Variants in BDP1 observed in about 807,000 individuals in gnomAD.
BDP1 encodes the protein transcription factor TFIIIB component B'' homolog.
BDP1 carries 169 observed loss-of-function variants against 266.6 expected under a neutral mutation model. The ratio of observed to expected loss-of-function variants is 0.63; its 90% CI spans 0.56 to 0.72. The LOEUF is 0.72. BDP1 is among the 30% of genes least tolerant of loss of function. The pLI is 0.00. For missense variants in BDP1, 3,015 were observed against 3,053.8 expected (o/e 0.99, Z 0.30); for synonymous variants, 1,090 against 1,022.4 (o/e 1.07, Z -1.26).
At chr5:71,551,622 G>T (rs979501325) in intron 34 of BDP1, among the ~76,000 whole-genome samples, 1 of 152,206 alleles carries the variant, frequency 6.6e-6, no homozygotes, top group African/African-American at 2.4e-5. Flanking sequence ...ATGAGCCGCT[G>T]GGCACACCTC....
Position 71,495,274 on chromosome 5 carries a change from A to G in BDP1, c.1665A>G (p.Val555=), listed in dbSNP as rs1273316423. 6.3e-7 allele frequency: 1 copy of G among 1,582,566 alleles called. No homozygotes were observed. The highest frequency in any genetic ancestry group is 1.7e-5 in the Admixed American group (1 of 58,006). The change falls in exon 12 of 39, where the codon GTA becomes GTG. Residue 555 remains valine, a synonymous_variant. Transcript: ENST00000358731. ...SLSNQQDATS[V]ATESSESSTS... Reference sequence around the variant, plus strand: ...GTAATCAACAAGATGCCACATCAGTAGCAACTGAGTCTTCAGAATCAAGCA... The same window carrying G: ...GTAATCAACAAGATGCCACATCAGTGGCAACTGAGTCTTCAGAATCAAGCA...
chr5:71,531,917 A>T (rs987720804), intron 25 of BDP1, among the ~76,000 whole-genome samples: 2 of 152,190 alleles, frequency 1.3e-5, no homozygotes, highest in African/African-American at 2.4e-5. Flanking sequence ...TTCATTGAGG[A>T]TAGGGACTAC....
At chr5:71,544,282 A>G (rs1742090066) in intron 30 of BDP1, 75 bp from the exon 31 acceptor site, 1 of 1,351,170 alleles carries the variant, frequency 7.4e-7, no homozygotes, top group East Asian at 2.3e-5. Flanking sequence ...TCCTTTTAAG[A>G]GGGCATATGT....
In BDP1 at chr5:71,517,437, C is replaced by G. The variant is rs558773155; in HGVS notation, c.4976C>G (p.Thr1659Arg). The change falls in exon 22 of 39, where the codon ACA (threonine) becomes AGA (arginine). Residue 1659 changes from threonine to arginine, a missense_variant. By Grantham distance (71) the Thr-to-Arg change is moderately conservative (BLOSUM62 -1). Around this residue, in one of 3 missense-constraint regions of BDP1, gnomAD observed 2,383 missense variants for 2,404.9 expected, o/e 0.99. Transcript: ENST00000358731. ...GTAGAAAACCTTCATGTTAACAAAA[C>G]AAATGAAACAATCAGGTGAGTTTGC... is the stretch of plus-strand genomic sequence containing the variant. ...VLVENLHVNK[T>R]NETIRHENKP... 1.1e-5 allele frequency: 17 copies of G among 1,580,654 alleles called. No homozygotes were observed. Among genetic ancestry groups the G allele is most frequent in the Non-Finnish European group, 1.5e-5 (17 of 1,169,238 alleles).
At chr5:71,529,479 G>A (rs1030274291) in intron 25 of BDP1, among the ~76,000 whole-genome samples, 16 of 152,204 alleles carry the variant, frequency 1.1e-4, no homozygotes, top group African/African-American at 3.4e-4. Flanking sequence ...TCAGTTGAGG[G>A]CAGGAGTTCA....
In BDP1 at chr5:71,523,982, C is replaced by G; in HGVS notation, c.5431C>G (p.Leu1811Val). Residue 1811 changes from leucine (L) to valine (V), a missense_variant, in exon 25 of 39, where the codon CTG becomes GTG. Transcript: ENST00000358731. ...LNETSYSKIALDGKTTISSTS... is the reference protein window; with the variant it reads ...LNETSYSKIAVDGKTTISSTS... ...CGAAACAAGTTACTCTAAAATTGCC[C>G]TGGATGGGAAAACAACTATCTCTTC... The G allele has an allele frequency of 8.7e-6, 14 of 1,614,022 alleles. No individual in the cohort carries two copies. The highest frequency in any genetic ancestry group is 1.2e-5 in the Non-Finnish European group (14 of 1,179,980).
At chr5:71,548,629 TTAAATG>T in intron 32 of BDP1, 47 bp from the exon 33 acceptor site, 1 of 1,139,508 alleles carries the variant, frequency 8.8e-7, no homozygotes, top group Non-Finnish European at 1.3e-6. Context: ...GAATAACTTT[TTAAATG>T]TAAGATTTGG....
chr5:71,467,367 G>T lies in BDP1; in HGVS notation c.799G>T (p.Val267Phe), dbSNP rs773800544. The T allele has an allele frequency of 3.1e-6, 5 of 1,606,098 alleles. No homozygotes were observed. The South Asian group carries it at 5.6e-5, about 18-fold the overall frequency. Residue 267 changes from valine (V) to phenylalanine (F), a missense_variant, in exon 6 of 39, where the codon GTT (valine) becomes TTT (phenylalanine). Around this residue, in one of 3 missense-constraint regions of BDP1, gnomAD observed 2,383 missense variants for 2,404.9 expected, o/e 0.99. Transcript: ENST00000358731. ...TGTTTATTTCAGTTTAACTGTAGAAGTTTTAAGAACAAAAGGCCCTTGTGT... is the reference window on the plus strand; with the variant it reads ...TGTTTATTTCAGTTTAACTGTAGAATTTTTAAGAACAAAAGGCCCTTGTGT... ...ILDEESLTVE[V>F]LRTKGPCVVE...
chr5:71,568,811 A>T (rs777461317), downstream of BDP1, among the ~76,000 whole-genome samples: 16 of 152,142 alleles, frequency 1.1e-4, no homozygotes, highest in Non-Finnish European at 2.1e-4. Flanking sequence ...GTCACATTTC[A>T]TTTTTTTGTC....
At chr5:71,478,025 C>T (rs1278405138) in intron 7 of BDP1, among the ~76,000 whole-genome samples, 9 of 152,102 alleles carry the variant, frequency 5.9e-5, no homozygotes, top group South Asian at 2.1e-4. Context: ...CCGAGGCAGG[C>T]GGATCACCTG....
chr5:71,522,554 A>T (rs755119564), intron 23 of BDP1, 64 bp downstream of exon 23: 47 of 1,379,408 alleles, frequency 3.4e-5, no homozygotes, highest in Non-Finnish European at 4.7e-5. Flanking sequence ...TGTCAAGATC[A>T]TGAAGAGCAT....
At chr5:71,491,223 GT>G (rs1561702068) in intron 11 of BDP1, 92 bp downstream of exon 11, 28 of 1,242,490 alleles carry the variant, frequency 2.3e-5, no homozygotes, top group Non-Finnish European at 3.0e-5. Flanking sequence ...GGATTTGCCT[GT>G]TTCTTTTTTT....
At chr5:71,547,383 G>A (rs1742411675) in intron 32 of BDP1, among the ~76,000 whole-genome samples, 2 of 152,024 alleles carry the variant, frequency 1.3e-5, no homozygotes, top group African/African-American at 4.8e-5. Context: ...TTTAGGGCAA[G>A]ATTACTATAT....
At position 71,566,532 on chromosome 5, in the gene BDP1, A is replaced by G. The variant is rs1288400210; in HGVS notation, c.*1647A>G. 6.6e-6 allele frequency: 1 copy of G among 152,066 alleles called. No individual in the cohort carries two copies. The highest frequency in any genetic ancestry group is 1.5e-5 in the Non-Finnish European group (1 of 68,010). The allele number at this position is 152,066 out of a possible 1,614,324, so 9.4% of individuals were successfully genotyped here. On this transcript the variant is annotated 3_prime_UTR_variant, in exon 39 of 39. Coordinates refer to ENST00000358731, the MANE Select transcript of BDP1 (RefSeq NM_018429.3). ...TGATTTTATTTGAAAAGCCTCTTGG[A>G]TTGATAGTATAGTAGCTCAGGCATT...
chr5:71,522,715 G>GT (rs1301628862), intron 23 of BDP1, 41 bp from the exon 24 acceptor site: 1 of 1,533,450 alleles, frequency 6.5e-7, no homozygotes, highest in Admixed American at 2.1e-5. Context: ...CATAGAGATT[G>GT]TTTCTGTAGT....
At chr5:71,463,728 T>G (rs940566251) in intron 3 of BDP1, among the ~76,000 whole-genome samples, 1 of 151,656 alleles carries the variant, frequency 6.6e-6, no homozygotes, top group Non-Finnish European at 1.5e-5. Context: ...CGTGGGAGGC[T>G]GAGGTGGGAG....
intron 2 of BDP1, 22 bp downstream of exon 2, chr5:71,458,877 T>G (rs759263493): frequency 6.3e-7 from 1 of 1,589,264 alleles, no homozygotes; most frequent in Non-Finnish European, 8.5e-7. Context: ...GAATCAGGAT[T>G]TTGATGTTGC....
At chr5:71,513,145 T>C in intron 18 of BDP1, 40 bp from the exon 19 acceptor site, 1 of 1,465,918 alleles carries the variant, frequency 6.8e-7, no homozygotes, top group Non-Finnish European at 9.5e-7. Flanking sequence ...CCACTGCCCC[T>C]TCAGTTCATT....
At chr5:71,511,223 T>G (rs1764902318) in intron 17 of BDP1, 72 bp downstream of exon 17, 1 of 1,441,500 alleles carries the variant, frequency 6.9e-7, no homozygotes, top group African/African-American at 1.4e-5. Flanking sequence ...TCCATGATTA[T>G]TTTGTCCTTA....
Sources: allele counts gnomAD v4.1 joint callset (sites outside exome capture counted in the v4.1 genomes callset), GRCh38; gene constraint gnomAD v4.1.1; regional missense constraint gnomAD v4.1.1; transcripts MANE v1.5; gene names NCBI Gene and HGNC (gene_info 2026-07-23, HGNC 2026-07-21).